BMP6: variants seen among roughly 807,000 people sequenced by gnomAD.
The protein encoded by BMP6 is VG-1-R.
A neutral mutation model predicts 54.1 loss-of-function variants in BMP6; 17 were observed. The observed-to-expected ratio is 0.31, with a 90% CI of 0.22 to 0.47. The LOEUF (loss-of-function observed/expected upper bound fraction) is 0.47, where lower values mean the gene tolerates loss of function less well. Among genes scored for constraint, BMP6 ranks in the 20% least tolerant of loss-of-function variants. The pLI is 1.00. For synonymous variants in BMP6, 328 were observed against 291.2 expected (o/e 1.13, Z -1.28); for missense variants, 720 against 690.4 (o/e 1.04, Z -0.48).
At chr6:7,829,863 C>T (rs1196120842) in intron 1 of BMP6, among the ~76,000 whole-genome samples, 1 of 152,162 alleles carries the variant, frequency 6.6e-6, no homozygotes, top group Non-Finnish European at 1.5e-5. Flanking sequence ...CATGGGCAAA[C>T]CCACAATAAA....
intron 1 of BMP6, among the ~76,000 whole-genome samples, chr6:7,813,781 T>C (rs1368480001): frequency 1.3e-5 from 2 of 152,042 alleles, no homozygotes; most frequent in Non-Finnish European, 2.9e-5. Context: ...TTTGAATACC[T>C]GAGTTGGAAA....
At chr6:7,780,055 G>C (rs1003865149) in intron 1 of BMP6, among the ~76,000 whole-genome samples, 1 of 152,088 alleles carries the variant, frequency 6.6e-6, no homozygotes, top group Non-Finnish European at 1.5e-5. Context: ...AGTTAAGTAG[G>C]CTCTAGATAG....
In BMP6 at chr6:7,766,656, T is replaced by C. The variant is rs1757695021; in HGVS notation, c.664+39037T>C. On this transcript the variant is annotated intron_variant, in intron 1 of 6. Transcript: ENST00000283147. ...TAAATAAATAAAAAGAAAACACTAATTAGAAGGTATGTAATTCATAGACAA... is the reference window on the plus strand; with the variant it reads ...TAAATAAATAAAAAGAAAACACTAACTAGAAGGTATGTAATTCATAGACAA... 1.3e-5 allele frequency among the ~76,000 whole-genome samples: 2 copies of C among 152,132 alleles called. 1 individual carries two copies. Among genetic ancestry groups the C allele is most frequent in the African/African-American group, 4.8e-5 (2 of 41,428 alleles).
At chr6:7,843,099 G>A (rs1481299583) in intron 1 of BMP6, among the ~76,000 whole-genome samples, 2 of 152,184 alleles carry the variant, frequency 1.3e-5, no homozygotes, top group Admixed American at 6.5e-5. Flanking sequence ...CTGTGTGGGT[G>A]TCCTTGAGTG....
chr6:7,802,435 G>A (rs180827198), intron 1 of BMP6, among the ~76,000 whole-genome samples: 3 of 152,304 alleles, frequency 2.0e-5, no homozygotes, highest in African/African-American at 7.2e-5. Context: ...CCAATGATGG[G>A]CCCAATAGCT....
At chr6:7,746,910 G>T (rs1757355157) in intron 1 of BMP6, among the ~76,000 whole-genome samples, 1 of 152,168 alleles carries the variant, frequency 6.6e-6, no homozygotes, top group Admixed American at 6.5e-5. Flanking sequence ...CACCTGGTTT[G>T]TCTCCACTCT....
intron 1 of BMP6, among the ~76,000 whole-genome samples, chr6:7,834,581 G>A (rs1027831393): frequency 2.6e-5 from 4 of 151,624 alleles, no homozygotes; most frequent in Non-Finnish European, 5.9e-5. Flanking sequence ...TGCACCTGGT[G>A]ACATGTAGTC....
At chr6:7,854,062 T>C (rs997598426) in intron 2 of BMP6, among the ~76,000 whole-genome samples, 1 of 152,368 alleles carries the variant, frequency 6.6e-6, no homozygotes, top group East Asian at 1.9e-4. Context: ...AAACATTTTA[T>C]GCTGGCGGGA....
intron 1 of BMP6, among the ~76,000 whole-genome samples, chr6:7,810,267 A>G (rs1248372276): frequency 1.3e-5 from 2 of 152,232 alleles, no homozygotes; most frequent in East Asian, 3.8e-4. Flanking sequence ...ACCCACCCTC[A>G]AAGTTTAAGA....
At chr6:7,813,085 A>C (rs1227993655) in intron 1 of BMP6, among the ~76,000 whole-genome samples, 50 of 19,690 alleles carry the variant, frequency 2.5e-3, no homozygotes, top group African/African-American at 0.011. Context: ...CCCTGTCTCT[A>C]CAAAAAAAAA....
chr6:7,820,838 G>C (rs895435539), intron 1 of BMP6, among the ~76,000 whole-genome samples: 1 of 152,188 alleles, frequency 6.6e-6, no homozygotes, highest in South Asian at 2.1e-4. Context: ...GGATGAAACT[G>C]TTCTACCTCA....
At chr6:7,835,247 C>T (rs1327445860) in intron 1 of BMP6, among the ~76,000 whole-genome samples, 5 of 152,304 alleles carry the variant, frequency 3.3e-5, no homozygotes, top group East Asian at 1.9e-4. Flanking sequence ...CTCAGCCTCC[C>T]GAGTAGCTGG....
intron 1 of BMP6, among the ~76,000 whole-genome samples, chr6:7,732,178 T>C (rs1301192421): frequency 3.3e-5 from 5 of 152,224 alleles, no homozygotes; most frequent in Non-Finnish European, 7.3e-5. Flanking sequence ...TAAGAAGATT[T>C]TTGTTAGCAG....
In BMP6 at chr6:7,837,191, CTGT is replaced by C. The variant is rs1189858800; in HGVS notation, c.665-7944_665-7942del. Among the ~76,000 whole-genome samples the C allele has an allele frequency of 6.6e-5, 10 of 152,182 alleles. No homozygotes were observed. The South Asian group carries it at 1.0e-3, about 16-fold the overall frequency. ...TCGATTGCTCTGTTCTTTTTCCTCT[CTGT>C]TGTTCCCCTTTTTATTTTATCTTTT... On this transcript the variant is annotated intron_variant, in intron 1 of 6. Transcript: ENST00000283147.
intron 1 of BMP6, among the ~76,000 whole-genome samples, chr6:7,783,986 G>A (rs905931606): frequency 4.6e-5 from 7 of 152,202 alleles, no homozygotes; most frequent in African/African-American, 1.7e-4. Context: ...GTGTATTTGG[G>A]AACGAGGCTA....
chr6:7,737,968 CT>C (rs370257748), intron 1 of BMP6, among the ~76,000 whole-genome samples: 7,021 of 149,334 alleles, frequency 0.047, 528 homozygotes, highest in African/African-American at 0.16. Flanking sequence ...ATATTTTCTT[CT>C]TTTTTTTTTC....
Position 7,727,385 on chromosome 6 carries a change from T to C in BMP6, c.430T>C (p.Ser144Pro), listed in dbSNP as rs1279800820. ...LFMLDLYNAL[S>P]ADNDEDGASE... Reference sequence around the variant, plus strand: ...CATGCTGGATCTGTACAACGCCCTGTCCGCCGACAACGACGAGGACGGGGC... The same window carrying C: ...CATGCTGGATCTGTACAACGCCCTGCCCGCCGACAACGACGAGGACGGGGC... Residue 144 changes from serine to proline, a missense_variant, in exon 1 of 7, where the codon TCC becomes CCC. Physicochemically the swap from Ser to Pro is moderately conservative, Grantham distance 74. Coordinates refer to ENST00000283147, the MANE Select transcript of BMP6 (RefSeq NM_001718.6). The C allele has an allele frequency of 2.5e-6, 4 of 1,608,204 alleles. No homozygotes were observed. The African/African-American group carries it at 5.4e-5, about 22-fold the overall frequency.
Position 7,833,792 on chromosome 6 carries a change from A to G in BMP6, c.665-11348A>G, listed in dbSNP as rs371226930. Among the ~76,000 whole-genome samples, 46 of 152,332 alleles carry G rather than the reference A, an allele frequency of 3.0e-4. 1 individual carries two copies. Among genetic ancestry groups the G allele is most frequent in the African/African-American group, 1.1e-3 (45 of 41,584 alleles). ...ATTAGGCAGAGTTTATAACGTCTTT[A>G]GGAGTGAGAGGAATGTGTCCCACAT... On this transcript the variant is annotated intron_variant, in intron 1 of 6. Coordinates refer to ENST00000283147, the MANE Select transcript of BMP6 (RefSeq NM_001718.6).
chr6:7,791,460 C>T (rs1027619585), intron 1 of BMP6, among the ~76,000 whole-genome samples: 6 of 152,068 alleles, frequency 3.9e-5, no homozygotes, highest in African/African-American at 1.4e-4. Flanking sequence ...TGCCTCTGGC[C>T]CCTTAAATGT....
Sources: allele counts gnomAD v4.1 joint callset (sites outside exome capture counted in the v4.1 genomes callset), GRCh38; gene constraint gnomAD v4.1.1; transcripts MANE v1.5; gene names NCBI Gene and HGNC (gene_info 2026-07-23, HGNC 2026-07-21).